The following PACSIN2 variants were observed in gnomAD, a reference collection of about 807,000 sequenced individuals.
PACSIN2 encodes the protein protein kinase C and casein kinase substrate in neurons 2, also known as protein kinase C and casein kinase substrate in neurons protein 2.
A neutral mutation model predicts 63.8 loss-of-function variants in PACSIN2; 25 were observed. The ratio of observed to expected loss-of-function variants is 0.39; its 90% confidence interval spans 0.29 to 0.55. The LOEUF (loss-of-function observed/expected upper bound fraction) is 0.55. Ranked by LOEUF, PACSIN2 falls within the 20% of genes least tolerant of loss-of-function variation. The pLI, the probability that PACSIN2 is intolerant of heterozygous loss-of-function variation, is 0.62. For synonymous variants in PACSIN2, 255 were observed against 256.2 expected, an observed-to-expected ratio of 1.00 and a Z score of 0.05; for missense variants, 518 against 646.9, an observed-to-expected ratio of 0.80 and a Z score of 2.16.
At chr22:42,945,096 CA>C (rs11340938) in intron 1 of PACSIN2, among the ~76,000 whole-genome samples, 84,616 of 137,558 alleles carry the variant, frequency 0.62, 25,200 homozygotes, top group East Asian at 0.78. Flanking sequence ...AGACTCGTCT[CA>C]AAAAAAAAAA....
At chr22:42,970,106 T>A (rs1921141452) in intron 1 of PACSIN2, among the ~76,000 whole-genome samples, 1 of 152,096 alleles carries the variant, frequency 6.6e-6, no homozygotes, top group African/African-American at 2.4e-5. Flanking sequence ...GTCCTCACGC[T>A]GGGAAGAGGC....
chr22:42,988,190 A>G (rs756540508), intron 1 of PACSIN2, among the ~76,000 whole-genome samples: 1 of 152,180 alleles, frequency 6.6e-6, no homozygotes, highest in Non-Finnish European at 1.5e-5. Context: ...ACAAAAGCAA[A>G]ACCATTTAGA....
intron 2 of PACSIN2, among the ~76,000 whole-genome samples, chr22:42,903,812 G>A (rs1306392348): frequency 6.6e-6 from 1 of 152,076 alleles, no homozygotes; most frequent in Non-Finnish European, 1.5e-5. Context: ...TCCTTTCCTC[G>A]GGGCCTCAAT....
At chr22:42,884,690 CAG>C in intron 5 of PACSIN2, 129 bp from the exon 6 acceptor site, 1 of 681,280 alleles carries the variant, frequency 1.5e-6, no homozygotes, top group East Asian at 2.7e-5. Context: ...TGGATTCTGA[CAG>C]ACTTCAAGTT....
chr22:42,893,523 T>C lies in PACSIN2; in HGVS notation c.151A>G (p.Ile51Val), dbSNP rs749338433. Residue 51 changes from isoleucine to valine, a missense_variant, in exon 3 of 11, where the codon ATC becomes GTC. Transcript: ENST00000263246. Reference protein sequence around the residue: ...LMNCLHERARIEKAYAQQLTE... With the variant: ...LMNCLHERARVEKAYAQQLTE... ...AGCTGCTGCGCATACGCCTTCTCGA[T>C]GCGCGCCCGCTCATGCAGGCAGTTC... is the stretch of plus-strand genomic sequence containing the variant. 1.2e-6 allele frequency: 2 copies of C among 1,614,130 alleles called. No homozygotes were observed.
intron 1 of PACSIN2, among the ~76,000 whole-genome samples, chr22:42,920,139 G>A (rs8135794): frequency 0.45 from 68,195 of 151,682 alleles, 15,877 homozygotes; most frequent in Non-Finnish European, 0.48. Context: ...AAATAAGAAA[G>A]AATCTAAAAA....
intron 1 of PACSIN2, among the ~76,000 whole-genome samples, chr22:43,000,439 T>G (rs5759081): frequency 1.3e-4 from 20 of 152,014 alleles, no homozygotes; most frequent in Non-Finnish European, 2.2e-4. Context: ...CATGAGGCTT[T>G]TGGAGGGTTT....
intron 1 of PACSIN2, among the ~76,000 whole-genome samples, chr22:42,940,621 G>A (rs946336156): frequency 1.3e-5 from 2 of 152,190 alleles, no homozygotes; most frequent in African/African-American, 4.8e-5. Flanking sequence ...GGCCACCCCA[G>A]GTCCTGGGTT....
intron 2 of PACSIN2, among the ~76,000 whole-genome samples, chr22:42,900,468 A>T (rs6519351): frequency 0.45 from 67,943 of 151,942 alleles, 15,734 homozygotes; most frequent in Non-Finnish European, 0.48. Context: ...GTCTATTTTT[A>T]AAAATTAAAT....
At chr22:42,982,808 C>T (rs963642090) in intron 1 of PACSIN2, among the ~76,000 whole-genome samples, 7 of 136,354 alleles carry the variant, frequency 5.1e-5, no homozygotes, top group Non-Finnish European at 9.2e-5. Context: ...GACCTTCCCT[C>T]CACTATTGTC....
chr22:42,981,003 G>A (rs1293756581), intron 1 of PACSIN2, among the ~76,000 whole-genome samples: 4 of 132,804 alleles, frequency 3.0e-5, no homozygotes, highest in East Asian at 2.4e-4. Flanking sequence ...AGTGAGGAGC[G>A]TCTCTGCCCG....
chr22:43,011,636 C>A (rs1049742247), intron 1 of PACSIN2, among the ~76,000 whole-genome samples: 1 of 152,138 alleles, frequency 6.6e-6, no homozygotes, highest in African/African-American at 2.4e-5. Flanking sequence ...AGGACATCTG[C>A]GAGGCCGAGG....
chr22:42,886,892 C>T (rs946142343), intron 5 of PACSIN2, among the ~76,000 whole-genome samples: 1 of 152,182 alleles, frequency 6.6e-6, no homozygotes, highest in Non-Finnish European at 1.5e-5. Context: ...GCCTGTTCTG[C>T]AAAAGCCTGA....
intron 1 of PACSIN2, among the ~76,000 whole-genome samples, chr22:42,913,202 G>A (rs369600317): frequency 6.6e-6 from 1 of 152,124 alleles, no homozygotes; most frequent in Non-Finnish European, 1.5e-5. Flanking sequence ...ACAATAGGCC[G>A]GGCACAGTGG....
intron 1 of PACSIN2, among the ~76,000 whole-genome samples, chr22:42,982,869 T>TAAAAAAAAAAAAAAAAAAAAAAA (rs1252040629): frequency 4.5e-5 from 2 of 44,014 alleles, no homozygotes; most frequent in African/African-American, 6.8e-5. Context: ...GAATGATCAA[T>TAAAAAAAAAAAAAAAAAAAAAAA]AAAAAAAAAA....
At chr22:42,965,743 G>T (rs1215207056) in intron 1 of PACSIN2, among the ~76,000 whole-genome samples, 1 of 152,158 alleles carries the variant, frequency 6.6e-6, no homozygotes, top group Non-Finnish European at 1.5e-5. Flanking sequence ...CTAGCACCGC[G>T]ATGAAAGGCA....
chr22:42,911,994 T>C (rs948485384), intron 2 of PACSIN2, 27 bp downstream of exon 2: 4 of 1,571,702 alleles, frequency 2.5e-6, no homozygotes, highest in Non-Finnish European at 3.5e-6. Flanking sequence ...GGCCACTTCA[T>C]TCACTGGAAG....
chr22:42,882,346 C>T (rs1319574813), intron 6 of PACSIN2, 42 bp from the exon 7 acceptor site: 1 of 1,576,434 alleles, frequency 6.3e-7, no homozygotes, highest in Non-Finnish European at 8.6e-7. Context: ...AGGCAGGGGC[C>T]AGCTACCCTT....
chr22:42,962,134 T>C (rs1934157425), intron 1 of PACSIN2, among the ~76,000 whole-genome samples: 1 of 150,796 alleles, frequency 6.6e-6, no homozygotes, highest in Non-Finnish European at 1.5e-5. Context: ...TACTAAAAAA[T>C]ACAAAAATTG....
Sources: allele counts gnomAD v4.1 joint callset (sites outside exome capture counted in the v4.1 genomes callset), GRCh38; gene constraint gnomAD v4.1.1; transcripts MANE v1.5; gene names NCBI Gene and HGNC (gene_info 2026-07-23, HGNC 2026-07-21).